Variants in STXBP4 observed in about 807,000 individuals in gnomAD.
The protein encoded by STXBP4 is syntaxin binding protein 4.
STXBP4 carries 55 observed loss-of-function variants against 76.1 expected under a neutral mutation model. The ratio of observed to expected loss-of-function variants is 0.72; its 90% CI spans 0.58 to 0.91. STXBP4 has a LOEUF of 0.91. Ranked by LOEUF, STXBP4 falls within the 40% of genes least tolerant of loss-of-function variation. The pLI is 0.00. For missense variants in STXBP4, 618 were observed against 636.9 expected, an observed-to-expected ratio of 0.97 and a Z score of 0.32; for synonymous variants, 201 against 220.2, an observed-to-expected ratio of 0.91 and a Z score of 0.77.
intron 8 of STXBP4, among the ~76,000 whole-genome samples, chr17:55,015,946 G>A (rs1244309520): frequency 7.9e-5 from 12 of 152,218 alleles, no homozygotes; most frequent in Admixed American, 7.2e-4. Context: ...TCCCTCAGGA[G>A]GCCAGGTTTC....
chr17:55,028,290 G>A (rs1044171085), intron 8 of STXBP4, among the ~76,000 whole-genome samples: 2 of 152,030 alleles, frequency 1.3e-5, no homozygotes, highest in African/African-American at 4.8e-5. Flanking sequence ...TTATCAGAAG[G>A]AGAATGCTTT....
In STXBP4 at chr17:55,000,691, T is replaced by G. The variant is rs113296773; in HGVS notation, c.499-117T>G. ...GATGCATATACCAAAATTTTAGAGG[T>G]TTCATATTTGAGGGATAATTACTTT... On this transcript the variant is annotated intron_variant, in intron 6 of 17. Transcript: ENST00000376352. The G allele has an allele frequency of 1.3e-4, 95 of 751,874 alleles. 1 individual carries two copies. The Middle Eastern group carries it at 1.3e-3, about 10-fold the overall frequency. 46.6% of individuals were successfully genotyped at this position (751,874 alleles called of 1,614,324 possible).
chr17:54,983,686 TGAAAC>T, intron 1 of STXBP4, among the ~76,000 whole-genome samples: 1 of 152,212 alleles, frequency 6.6e-6, no homozygotes, highest in East Asian at 1.9e-4. Flanking sequence ...ACATAGTGTG[TGAAAC>T]ATAGTGCCAA....
chr17:55,135,475 A>G (rs935652267), intron 16 of STXBP4, among the ~76,000 whole-genome samples: 4 of 152,136 alleles, frequency 2.6e-5, no homozygotes, highest in Non-Finnish European at 4.4e-5. Flanking sequence ...GACCAATATT[A>G]AGGAGTGTTT....
chr17:55,207,211 C>T, the STXBP4 span, among the ~76,000 whole-genome samples: 1 of 152,166 alleles, frequency 6.6e-6, no homozygotes, highest in African/African-American at 2.4e-5. Flanking sequence ...GCTGACTCTC[C>T]CCAGGATGTG....
intron 1 of STXBP4, among the ~76,000 whole-genome samples, chr17:54,976,212 G>T (rs1003555143): frequency 2.5e-4 from 38 of 152,194 alleles, no homozygotes; most frequent in African/African-American, 8.2e-4. Flanking sequence ...GAGCTGTTGT[G>T]CTGATGAAGA....
At position 55,089,963 on chromosome 17, in the gene STXBP4, C is replaced by A. The variant is rs578070265; in HGVS notation, c.1489+8780C>A. ...AGCTGTTACAGGTGAATCCTAAAATCTTTTTAATATAGGAGAGATAGGACC... is the reference window on the plus strand; with the variant it reads ...AGCTGTTACAGGTGAATCCTAAAATATTTTTAATATAGGAGAGATAGGACC... On this transcript the variant is annotated intron_variant, in intron 16 of 17. Transcript: ENST00000376352. Among the ~76,000 whole-genome samples, 5 of 152,144 alleles carry A rather than the reference C, an allele frequency of 3.3e-5. No homozygotes were observed. The East Asian group carries it at 9.7e-4, about 29-fold the overall frequency.
intron 17 of STXBP4, among the ~76,000 whole-genome samples, chr17:55,153,373 A>G (rs244292): frequency 0.65 from 99,580 of 152,052 alleles, 33,816 homozygotes; most frequent in African/African-American, 0.84. Context: ...GACGGAATCA[A>G]TAATACTGAC....
intron 3 of STXBP4, among the ~76,000 whole-genome samples, chr17:54,987,874 G>A (rs2077649094): frequency 6.6e-6 from 1 of 152,082 alleles, no homozygotes; most frequent in Admixed American, 6.5e-5. Flanking sequence ...TGTTGTTGAA[G>A]TTCTAAATTT....
At chr17:55,078,259 A>G in intron 14 of STXBP4, 65 bp downstream of exon 14, 4 of 1,029,204 alleles carry the variant, frequency 3.9e-6, no homozygotes, top group Non-Finnish European at 5.9e-6. Context: ...ATATAGATAA[A>G]TGTTACTGTA....
chr17:55,048,735 T>C (rs2078822893), intron 12 of STXBP4, among the ~76,000 whole-genome samples: 7 of 151,742 alleles, frequency 4.6e-5, no homozygotes. Flanking sequence ...AGGAAGAATA[T>C]AATCAAGTGA....
At chr17:55,181,577 GAT>G in the STXBP4 span, among the ~76,000 whole-genome samples, 1 of 152,152 alleles carries the variant, frequency 6.6e-6, no homozygotes, top group Non-Finnish European at 1.5e-5. Flanking sequence ...TAATTTTTAA[GAT>G]AATTAAATAG....
At chr17:55,030,296 C>T (rs1156992711) in intron 8 of STXBP4, among the ~76,000 whole-genome samples, 2 of 152,068 alleles carry the variant, frequency 1.3e-5, no homozygotes, top group East Asian at 1.9e-4. Flanking sequence ...CCATCAGTTC[C>T]TCTTTCTTTC....
At chr17:55,118,060 ATG>A (rs2079802567) in intron 16 of STXBP4, among the ~76,000 whole-genome samples, 1 of 152,004 alleles carries the variant, frequency 6.6e-6, no homozygotes, top group Non-Finnish European at 1.5e-5. Context: ...TTGAGGGCCT[ATG>A]ATATGTCACG....
chr17:54,980,517 C>CA (rs1165040515), intron 1 of STXBP4, among the ~76,000 whole-genome samples: 3 of 152,182 alleles, frequency 2.0e-5, no homozygotes, highest in Middle Eastern at 3.2e-3. Flanking sequence ...CAGGCTGCAG[C>CA]AAGTGGCTCA....
At chr17:55,042,302 G>A (rs2078714035) in intron 10 of STXBP4, among the ~76,000 whole-genome samples, 2 of 152,066 alleles carry the variant, frequency 1.3e-5, no homozygotes, top group Admixed American at 1.3e-4. Flanking sequence ...TTCTGAGCTT[G>A]TTTCTTCATC....
intron 17 of STXBP4, among the ~76,000 whole-genome samples, chr17:55,157,968 C>T (rs1486668201): frequency 3.3e-5 from 5 of 152,156 alleles, no homozygotes; most frequent in Non-Finnish European, 7.4e-5. Context: ...AGCACATTAG[C>T]ATATTAAAAT....
chr17:54,999,506 C>T (rs2144487699), intron 5 of STXBP4, 55 bp downstream of exon 5: 4 of 1,506,854 alleles, frequency 2.7e-6, no homozygotes, highest in Non-Finnish European at 3.6e-6. Flanking sequence ...TCCTTGAAAG[C>T]AGTAATTTAA....
intron 10 of STXBP4, among the ~76,000 whole-genome samples, chr17:55,039,810 T>C (rs1433302386): frequency 2.0e-5 from 3 of 151,706 alleles, no homozygotes; most frequent in Non-Finnish European, 2.9e-5. Flanking sequence ...TTTATAGAAA[T>C]AGGGAAATAA....
Sources: allele counts gnomAD v4.1 joint callset (sites outside exome capture counted in the v4.1 genomes callset), GRCh38; gene constraint gnomAD v4.1.1; transcripts MANE v1.5; gene names NCBI Gene and HGNC (gene_info 2026-07-23, HGNC 2026-07-21).